The following SLC4A4 variants were observed in gnomAD, a reference collection of about 807,000 sequenced individuals.
SLC4A4 encodes the protein electrogenic sodium bicarbonate cotransporter 1.
A neutral mutation model predicts 111.5 loss-of-function variants in SLC4A4; 27 were observed. The ratio of observed to expected loss-of-function variants is 0.24; its 90% CI spans 0.18 to 0.33. The LOEUF (loss-of-function observed/expected upper bound fraction) is 0.33, where lower values mean the gene tolerates loss of function less well. SLC4A4 is among the 10% of genes least tolerant of loss of function. The pLI, the probability that SLC4A4 is intolerant of heterozygous loss-of-function variation, is 1.00. For synonymous variants in SLC4A4, 443 were observed against 463.4 expected, an observed-to-expected ratio of 0.96 and a Z score of 0.57; for missense variants, 909 against 1,315.5, an observed-to-expected ratio of 0.69 and a Z score of 4.78.
At chr4:71,291,074 CA>C (rs2149102136) in intron 3 of SLC4A4, among the ~76,000 whole-genome samples, 1 of 152,064 alleles carries the variant, frequency 6.6e-6, no homozygotes, top group African/African-American at 2.4e-5. Flanking sequence ...AACATCATGC[CA>C]AAAGAACAGA....
At chr4:71,316,111 T>A (rs988255790) in intron 3 of SLC4A4, among the ~76,000 whole-genome samples, 5 of 152,170 alleles carry the variant, frequency 3.3e-5, no homozygotes, top group South Asian at 2.1e-4. Flanking sequence ...GGTTATTAAT[T>A]TTTGAAGCCA....
intron 16 of SLC4A4, among the ~76,000 whole-genome samples, chr4:71,511,777 C>T (rs1480031705): frequency 6.6e-6 from 1 of 152,074 alleles, no homozygotes; most frequent in Non-Finnish European, 1.5e-5. Context: ...ACCCCCATCA[C>T]CCTTCCCAGA....
intron 1 of SLC4A4, among the ~76,000 whole-genome samples, chr4:71,197,617 G>C (rs1190111377): frequency 1.3e-5 from 2 of 152,114 alleles, no homozygotes; most frequent in Non-Finnish European, 2.9e-5. Flanking sequence ...CTTTAAAGAT[G>C]CCTAAAAAGG....
chr4:71,196,483 CACTT>C lies in SLC4A4; in HGVS notation c.-2+9085_-2+9088del, dbSNP rs1431647032. Among the ~76,000 whole-genome samples the C allele has an allele frequency of 2.0e-5, 3 of 152,198 alleles. No homozygotes were observed. The East Asian group carries it at 5.8e-4, about 29-fold the overall frequency. On this transcript the variant is annotated intron_variant, in intron 1 of 25. Coordinates refer to ENST00000264485, the MANE Select transcript of SLC4A4 (RefSeq NM_001098484.3). ...GCATCAAAAGAAAATATAGTTCAAACACTTACCTATTTTTATTGCCAAAACCTTA... is the reference window on the plus strand; with the variant it reads ...GCATCAAAAGAAAATATAGTTCAAACACCTATTTTTATTGCCAAAACCTTA...
chr4:71,171,401 A>G (rs1744937236), intron 2 of SLC4A4, among the ~76,000 whole-genome samples: 1 of 152,232 alleles, frequency 6.6e-6, no homozygotes, highest in Admixed American at 6.5e-5. Context: ...GCCTAGTTAC[A>G]GAACCCTGGC....
In SLC4A4 at chr4:71,305,585, G is replaced by A. The variant is rs190617238; in HGVS notation, c.254-33785G>A. On this transcript the variant is annotated intron_variant, in intron 3 of 25. Coordinates refer to ENST00000264485, the MANE Select transcript of SLC4A4 (RefSeq NM_001098484.3). ...GTGTTATATTAGACAGAACTTTGGA[G>A]TAGAGCTGGGATATGCAAAACCTTT... Among the ~76,000 whole-genome samples, 178 of 152,364 alleles carry A rather than the reference G, an allele frequency of 1.2e-3. 1 individual carries two copies. Among genetic ancestry groups the A allele is most frequent in the Admixed American group, 2.2e-3 (33 of 15,310 alleles).
chr4:71,375,528 T>G (rs1338550246), intron 6 of SLC4A4, among the ~76,000 whole-genome samples: 1 of 152,210 alleles, frequency 6.6e-6, no homozygotes, highest in Admixed American at 6.5e-5. Context: ...TGAAGGCTTC[T>G]TAACTTGAGG....
At chr4:71,474,051 A>G (rs963075143) in intron 14 of SLC4A4, among the ~76,000 whole-genome samples, 1 of 150,560 alleles carries the variant, frequency 6.6e-6, no homozygotes, top group Non-Finnish European at 1.5e-5. Flanking sequence ...AAATAGAAAA[A>G]CCAGCCGGGT....
At chr4:71,550,459 C>A (rs909958948) in intron 20 of SLC4A4, among the ~76,000 whole-genome samples, 2 of 151,842 alleles carry the variant, frequency 1.3e-5, no homozygotes, top group Non-Finnish European at 2.9e-5. Flanking sequence ...TAAGTTATGA[C>A]TAAGTAAGAG....
At chr4:71,431,888 G>C (rs1056397740) in intron 7 of SLC4A4, among the ~76,000 whole-genome samples, 2 of 151,586 alleles carry the variant, frequency 1.3e-5, no homozygotes, top group African/African-American at 4.9e-5. Context: ...ACTTCTTTTG[G>C]GCATTTTATG....
At chr4:71,304,216 G>A (rs1725503402) in intron 3 of SLC4A4, among the ~76,000 whole-genome samples, 2 of 152,152 alleles carry the variant, frequency 1.3e-5, no homozygotes, top group Non-Finnish European at 2.9e-5. Context: ...TATAGGAATT[G>A]GCTGTTGTAA....
intron 24 of SLC4A4, 35 bp downstream of exon 24, chr4:71,563,924 AT>A (rs750547169): frequency 3.0e-6 from 4 of 1,327,984 alleles, no homozygotes; most frequent in South Asian, 2.3e-5. Context: ...GCTTGCTTGA[AT>A]ATGATTTGCA....
At chr4:71,358,337 A>G (rs1730471475) in intron 6 of SLC4A4, among the ~76,000 whole-genome samples, 5 of 151,160 alleles carry the variant, frequency 3.3e-5, no homozygotes, top group Admixed American at 1.3e-4. Context: ...AAAGAGAGAG[A>G]GAGATGAGTA....
chr4:71,153,059 A>ATAAAT (rs1553956936), intron 2 of SLC4A4, among the ~76,000 whole-genome samples: 1 of 148,160 alleles, frequency 6.7e-6, no homozygotes, highest in African/African-American at 2.5e-5. Flanking sequence ...ATATAAAAAT[A>ATAAAT]AAAGGAAGTT....
At chr4:71,304,999 C>A (rs1386718145) in intron 3 of SLC4A4, among the ~76,000 whole-genome samples, 4 of 152,192 alleles carry the variant, frequency 2.6e-5, no homozygotes, top group Non-Finnish European at 4.4e-5. Flanking sequence ...TGCTCAGTTA[C>A]TGGGCAGAAT....
intron 20 of SLC4A4, among the ~76,000 whole-genome samples, chr4:71,554,897 A>G (rs981351725): frequency 9.9e-5 from 15 of 151,806 alleles, no homozygotes. Context: ...AAGGTCATGC[A>G]TGCTCACTAA....
intron 1 of SLC4A4, among the ~76,000 whole-genome samples, chr4:71,204,237 A>C (rs1396259837): frequency 6.6e-6 from 1 of 152,244 alleles, no homozygotes. Flanking sequence ...TTTAGCACTT[A>C]GCTTCTTATC....
intron 7 of SLC4A4, among the ~76,000 whole-genome samples, chr4:71,415,507 G>A (rs1484483946): frequency 1.3e-5 from 2 of 152,160 alleles, no homozygotes; most frequent in African/African-American, 4.8e-5. Context: ...TAGGCTAAAT[G>A]TAGATGATAA....
At chr4:71,159,756 G>A (rs866702789) in intron 2 of SLC4A4, among the ~76,000 whole-genome samples, 2 of 152,160 alleles carry the variant, frequency 1.3e-5, no homozygotes, top group South Asian at 4.1e-4. Flanking sequence ...CATTAAATGT[G>A]AAGATACAAT....
Sources: allele counts gnomAD v4.1 joint callset (sites outside exome capture counted in the v4.1 genomes callset), GRCh38; gene constraint gnomAD v4.1.1; transcripts MANE v1.5; gene names NCBI Gene and HGNC (gene_info 2026-07-23, HGNC 2026-07-21).